The following PCDH7 variants were observed in gnomAD, a reference collection of about 807,000 sequenced individuals.
The protein encoded by PCDH7 is protocadherin 7.
PCDH7 carries 17 observed loss-of-function variants against 58.9 expected under a neutral mutation model. The observed-to-expected ratio is 0.29, with a 90% CI of 0.20 to 0.43. The LOEUF is 0.43. PCDH7 is among the 20% of genes least tolerant of loss of function. The pLI is 1.00. For missense variants in PCDH7, 1,274 were observed against 1,441.0 expected (o/e 0.88, Z 1.88); for synonymous variants, 664 against 616.4 (o/e 1.08, Z -1.14).
At chr4:30,908,188 G>T (rs750022981) in intron 1 of PCDH7, among the ~76,000 whole-genome samples, 1 of 149,884 alleles carries the variant, frequency 6.7e-6, no homozygotes, top group African/African-American at 2.5e-5. Flanking sequence ...GCACATGTAT[G>T]CCTATGTAAC....
intron 1 of PCDH7, among the ~76,000 whole-genome samples, chr4:30,915,540 T>C (rs984792396): frequency 1.3e-5 from 2 of 152,148 alleles, no homozygotes; most frequent in Non-Finnish European, 2.9e-5. Flanking sequence ...TGTTGTTGTT[T>C]TTGAGATGGA....
chr4:31,076,270 G>A (rs189762883), intron 3 of PCDH7, among the ~76,000 whole-genome samples: 377 of 152,196 alleles, frequency 2.5e-3, no homozygotes, highest in Non-Finnish European at 2.6e-3. Context: ...CTGCATCCAG[G>A]ATATAATGTG....
intron 1 of PCDH7, among the ~76,000 whole-genome samples, chr4:30,889,780 T>G (rs1007931297): frequency 2.0e-5 from 3 of 152,142 alleles, no homozygotes; most frequent in Non-Finnish European, 2.9e-5. Flanking sequence ...CGTGACCTAA[T>G]CATCTCCCAA....
intron 3 of PCDH7, among the ~76,000 whole-genome samples, chr4:30,999,808 G>A (rs978499867): frequency 1.3e-5 from 2 of 152,068 alleles, no homozygotes; most frequent in East Asian, 3.9e-4. Flanking sequence ...ATGTGTTAAA[G>A]TAAGAAGTTA....
intron 1 of PCDH7, among the ~76,000 whole-genome samples, chr4:30,898,760 T>G: frequency 6.6e-6 from 1 of 152,108 alleles, no homozygotes; most frequent in East Asian, 1.9e-4. Flanking sequence ...CCGGCTAATT[T>G]TTTTGTATTT....
intron 3 of PCDH7, among the ~76,000 whole-genome samples, chr4:31,074,271 T>C (rs1456663365): frequency 6.6e-6 from 1 of 150,986 alleles, no homozygotes; most frequent in Non-Finnish European, 1.5e-5. Flanking sequence ...GATTGCAAAA[T>C]AGGAGAACAA....
intron 3 of PCDH7, among the ~76,000 whole-genome samples, chr4:30,971,354 G>A (rs1243462104): frequency 2.0e-5 from 3 of 152,152 alleles, no homozygotes; most frequent in African/African-American, 7.2e-5. Context: ...TGGCAGCAAA[G>A]CAATAGGAAA....
At chr4:30,766,199 G>A (rs1002912485) in intron 1 of PCDH7, among the ~76,000 whole-genome samples, 24 of 151,850 alleles carry the variant, frequency 1.6e-4, no homozygotes, top group African/African-American at 5.1e-4. Flanking sequence ...GTATTATGAC[G>A]ATTCTAAATT....
chr4:31,065,023 TAA>T (rs1166907055), intron 3 of PCDH7, among the ~76,000 whole-genome samples: 1 of 151,988 alleles, frequency 6.6e-6, no homozygotes, highest in Non-Finnish European at 1.5e-5. Context: ...GTAAAAAAGT[TAA>T]AGAGTTTTAA....
At chr4:30,824,078 CTTTTCTTTCTTT>C (rs1728714462) in intron 1 of PCDH7, among the ~76,000 whole-genome samples, 1 of 145,950 alleles carries the variant, frequency 6.9e-6, no homozygotes, top group African/African-American at 2.6e-5. Flanking sequence ...AGCGGGGTTT[CTTTTCTTTCTTT>C]CTTTCTTTCT....
chr4:31,058,282 C>T (rs1757417026), intron 3 of PCDH7, among the ~76,000 whole-genome samples: 2 of 152,018 alleles, frequency 1.3e-5, no homozygotes, highest in Non-Finnish European at 2.9e-5. Context: ...AGAGTTTTTA[C>T]TGTATTCTTT....
intron 3 of PCDH7, among the ~76,000 whole-genome samples, chr4:31,126,243 C>T (rs745443008): frequency 6.6e-6 from 1 of 151,562 alleles, no homozygotes; most frequent in African/African-American, 2.4e-5. Context: ...CATGCCCCTG[C>T]TGCCTGGGTT....
At chr4:31,024,092 G>T (rs963777498) in intron 3 of PCDH7, among the ~76,000 whole-genome samples, 4 of 152,172 alleles carry the variant, frequency 2.6e-5, no homozygotes, top group African/African-American at 9.7e-5. Flanking sequence ...TGGAAGGGTA[G>T]TGATTTGTTT....
chr4:30,795,337 T>A (rs1724645347), intron 1 of PCDH7, among the ~76,000 whole-genome samples: 1 of 152,210 alleles, frequency 6.6e-6, no homozygotes, highest in Non-Finnish European at 1.5e-5. Context: ...TTTGGAAATG[T>A]GGGTAAGTGA....
At chr4:30,749,523 A>G (rs1374165359) in intron 1 of PCDH7, among the ~76,000 whole-genome samples, 13 of 152,002 alleles carry the variant, frequency 8.6e-5, no homozygotes, top group Non-Finnish European at 1.5e-5. Flanking sequence ...ATTTTTTTCT[A>G]TTGCCTGGTG....
intron 1 of PCDH7, among the ~76,000 whole-genome samples, chr4:30,827,873 A>C (rs996774223): frequency 6.6e-6 from 1 of 152,206 alleles, no homozygotes; most frequent in Non-Finnish European, 1.5e-5. Flanking sequence ...TGCAATCCTT[A>C]TAAGAGGCAG....
chr4:30,738,011 C>T (rs996537153), intron 1 of PCDH7, among the ~76,000 whole-genome samples: 3 of 152,110 alleles, frequency 2.0e-5, no homozygotes, highest in Non-Finnish European at 4.4e-5. Context: ...AGGTCTCTGC[C>T]TTCTCTTTGC....
At chr4:30,864,637 A>G (rs767433065) in intron 1 of PCDH7, among the ~76,000 whole-genome samples, 1 of 152,088 alleles carries the variant, frequency 6.6e-6, no homozygotes, top group African/African-American at 2.4e-5. Flanking sequence ...ATGCTTTGGT[A>G]TTCTCTTCAG....
chr4:30,999,643 G>A (rs1175191882), intron 3 of PCDH7, among the ~76,000 whole-genome samples: 5 of 152,136 alleles, frequency 3.3e-5, no homozygotes, highest in East Asian at 1.9e-4. Flanking sequence ...GGGACCAAAC[G>A]ATACATTACA....
Sources: gnomAD v4.1 joint callset for allele counts (sites outside exome capture counted in the v4.1 genomes callset) on GRCh38, gnomAD v4.1.1 for gene constraint, MANE v1.5 for transcripts, NCBI Gene and HGNC (gene_info 2026-07-23, HGNC 2026-07-21) for gene names.